Variants in ZFHX4 observed in about 807,000 individuals in gnomAD.
ZFHX4 encodes the protein zinc finger homeobox protein 4.
Under a neutral mutation model 267.6 loss-of-function variants are expected in ZFHX4, and 56 were observed. The ratio of observed to expected loss-of-function variants is 0.21; its 90% CI spans 0.17 to 0.26. ZFHX4 has a LOEUF of 0.26. ZFHX4 is among the 10% of genes least tolerant of loss of function. The probability of loss-of-function intolerance (pLI) is 1.00; values close to 1 mark genes in which losing one functional copy is unlikely to be tolerated. For synonymous variants in ZFHX4, 1,778 were observed against 1,665.6 expected (o/e 1.07, Z -1.64); for missense variants, 4,332 against 4,420.0 (o/e 0.98, Z 0.56).
chr8:76,786,772 G>T (rs1270745140), intron 4 of ZFHX4, among the ~76,000 whole-genome samples: 2 of 152,144 alleles, frequency 1.3e-5, no homozygotes, highest in African/African-American at 4.8e-5. Flanking sequence ...TTCGGGCAGG[G>T]ATCACTGATT....
chr8:76,853,275 A>T lies in ZFHX4; in HGVS notation c.6354A>T (p.Gly2118=). Residue 2118 remains glycine, a synonymous_variant, in exon 10 of 11, where the codon GGA becomes GGT. Coordinates refer to ENST00000651372, the MANE Select transcript of ZFHX4 (RefSeq NM_024721.5). ...DLTQLCQQQL[G]LDPNFLRHSQ... The stretch of plus-strand genomic sequence containing the variant: ...CCCAACTTTGCCAGCAGCAGCTCGG[A>T]TTAGATCCCAACTTCTTAAGACATT... 3.7e-6 allele frequency: 6 copies of T among 1,602,540 alleles called. No homozygotes were observed. The highest frequency in any genetic ancestry group is 5.1e-6 in the Non-Finnish European group (6 of 1,174,022).
chr8:76,840,251 G>A (rs921422655), intron 5 of ZFHX4, among the ~76,000 whole-genome samples: 3 of 152,270 alleles, frequency 2.0e-5, no homozygotes, highest in Admixed American at 6.5e-5. Flanking sequence ...ACCTCTAAAG[G>A]TTATGAGTTG....
At chr8:76,754,196 G>C (rs980190136) in intron 3 of ZFHX4, among the ~76,000 whole-genome samples, 1 of 152,066 alleles carries the variant, frequency 6.6e-6, no homozygotes, top group Non-Finnish European at 1.5e-5. Flanking sequence ...TCTGGGAAAA[G>C]AATTGCTTAG....
At chr8:76,686,244 A>G (rs1807690053) in intron 1 of ZFHX4, among the ~76,000 whole-genome samples, 2 of 152,242 alleles carry the variant, frequency 1.3e-5, no homozygotes, top group East Asian at 1.9e-4. Flanking sequence ...AGAAATGCAC[A>G]TGAAAAAGGA....
chr8:76,834,152 T>C (rs1409482533), intron 5 of ZFHX4: 1 of 451,720 alleles, frequency 2.2e-6, no homozygotes, highest in Non-Finnish European at 4.4e-6. Flanking sequence ...AACATCTTGG[T>C]TGATTCCAAG....
chr8:76,797,774 T>C (rs1811014416), intron 4 of ZFHX4, among the ~76,000 whole-genome samples: 1 of 152,160 alleles, frequency 6.6e-6, no homozygotes, highest in Non-Finnish European at 1.5e-5. Context: ...AGCTCAATAC[T>C]GTGGTCAGTG....
chr8:76,697,141 T>C lies in ZFHX4; in HGVS notation c.-46-6902T>C, dbSNP rs143938677. 5.0e-3 allele frequency among the ~76,000 whole-genome samples: 767 copies of C among 152,098 alleles called. 5 individuals are homozygous for C. Among genetic ancestry groups the C allele is most frequent in the Middle Eastern group, 0.01 (3 of 292 alleles). ...GATCATATTGGTAGCAATTGTGAAA[T>C]AGAAATAATTATACAATTGTTTTTT... is the stretch of plus-strand genomic sequence containing the variant. On this transcript the variant is annotated intron_variant, in intron 1 of 10. Transcript: ENST00000651372.
chr8:76,686,206 C>G (rs537604684), intron 1 of ZFHX4, among the ~76,000 whole-genome samples: 1 of 152,244 alleles, frequency 6.6e-6, no homozygotes, highest in African/African-American at 2.4e-5. Flanking sequence ...AAAACGTACA[C>G]CAGACTCGCT....
rs1403140918 is a variant in ZFHX4, at chr8:76,854,562, G to A, written c.7641G>A (p.Met2547Ile). ...TATTTGACCCCAACAATCCGCTGAT[G>A]ACTGGACAACTGCTGGGCAGTTCCC... ...YMIFDPNNPL[M>I]TGQLLGSSLT... is the part of the protein sequence containing the mutation. Residue 2547 changes from methionine (M) to isoleucine (I), a missense_variant, in exon 10 of 11, where the codon ATG becomes ATA. Physicochemically the swap from Met to Ile is conservative, Grantham distance 10. Transcript: ENST00000651372. 1.2e-6 allele frequency: 2 copies of A among 1,613,688 alleles called. No homozygotes were observed. Among genetic ancestry groups the A allele is most frequent in the African/African-American group, 1.3e-5 (1 of 74,872 alleles).
intron 4 of ZFHX4, among the ~76,000 whole-genome samples, chr8:76,782,409 A>G (rs11991496): frequency 0.097 from 14,805 of 151,960 alleles, 1,014 homozygotes; most frequent in East Asian, 0.3. Context: ...CTGTGAGCGT[A>G]TTTAAAGATT....
intron 1 of ZFHX4, among the ~76,000 whole-genome samples, chr8:76,681,926 G>T (rs1360401938): frequency 1.3e-5 from 2 of 152,110 alleles, no homozygotes; most frequent in Non-Finnish European, 2.9e-5. Flanking sequence ...CTTTCTTTAG[G>T]GGGGCTGCGT....
chr8:76,722,665 A>G (rs1808754185), intron 3 of ZFHX4, among the ~76,000 whole-genome samples: 1 of 151,722 alleles, frequency 6.6e-6, no homozygotes, highest in Non-Finnish European at 1.5e-5. Context: ...TGGAGAAAAA[A>G]CACTCCACTG....
chr8:76,788,269 G>A (rs1022638516), intron 4 of ZFHX4, among the ~76,000 whole-genome samples: 1 of 152,056 alleles, frequency 6.6e-6, no homozygotes, highest in Non-Finnish European at 1.5e-5. Context: ...AAGCACCATT[G>A]CTTCTTTGCT....
chr8:76,817,878 C>G (rs1470937118), intron 4 of ZFHX4, among the ~76,000 whole-genome samples: 18 of 152,070 alleles, frequency 1.2e-4, no homozygotes, highest in Non-Finnish European at 2.5e-4. Context: ...AGAAAAGGAC[C>G]CTTCTTTAGT....
At chr8:76,756,457 AGAGGCTCATACAT>A (rs1809764900) in intron 3 of ZFHX4, among the ~76,000 whole-genome samples, 1 of 151,762 alleles carries the variant, frequency 6.6e-6, no homozygotes, top group South Asian at 2.2e-4. Flanking sequence ...ATGGGTGGGT[AGAGGCTCATACAT>A]TGTAAAAGGA....
chr8:76,863,377 A>C lies in ZFHX4; in HGVS notation c.9663A>C (p.Lys3221Asn), dbSNP rs1268450014. 2 of 1,613,930 alleles carry C rather than the reference A, an allele frequency of 1.2e-6. No homozygotes were observed. The highest frequency in any genetic ancestry group is 1.7e-6 in the Non-Finnish European group (2 of 1,179,854). Residue 3221 changes from lysine to asparagine, a missense_variant, in exon 11 of 11, where the codon AAA becomes AAC. Lys to Asn is a moderately conservative substitution (Grantham distance 94). Around this residue, in one of 7 missense-constraint regions of ZFHX4, gnomAD observed 1,648 missense variants for 1,625.0 expected, o/e 1.01. Transcript: ENST00000651372. ...KPEKHPKKEE[K>N]ISSALSVLGK... ...AAAAACACCCCAAAAAAGAGGAAAA[A>C]ATCTCATCTGCTCTTTCAGTGTTGG...
intron 3 of ZFHX4, among the ~76,000 whole-genome samples, chr8:76,735,723 A>G (rs1809141573): frequency 6.6e-6 from 1 of 152,162 alleles, no homozygotes; most frequent in Non-Finnish European, 1.5e-5. Flanking sequence ...CCATTTGCAG[A>G]CAAACAAGCT....
rs1810460577 is a variant in ZFHX4, at chr8:76,778,449, C to A, written c.3325+10C>A. On this transcript the variant is annotated intron_variant, in intron 4 of 10. Transcript: ENST00000651372. The stretch of plus-strand genomic sequence containing the variant: ...CCACCAAATGAGCTTGGTGAGTAAC[C>A]CTGAAGAGGGCTGTCTCTGAGCCTC... The A allele has an allele frequency of 7.5e-6, 12 of 1,608,868 alleles. No individual in the cohort carries two copies. The highest frequency in any genetic ancestry group is 1.3e-5 in the African/African-American group (1 of 74,680).
chr8:76,795,687 C>T (rs1250753798), intron 4 of ZFHX4, among the ~76,000 whole-genome samples: 7 of 151,846 alleles, frequency 4.6e-5, no homozygotes, highest in Non-Finnish European at 1.0e-4. Context: ...GGATTATAGG[C>T]ATGCACCACC....
Sources: gnomAD v4.1 joint callset for allele counts (sites outside exome capture counted in the v4.1 genomes callset) on GRCh38, gnomAD v4.1.1 for gene constraint, gnomAD v4.1.1 regional missense constraint, MANE v1.5 for transcripts, NCBI Gene and HGNC (gene_info 2026-07-23, HGNC 2026-07-21) for gene names.